The following HSPA12B variants were observed in gnomAD, a reference collection of about 807,000 sequenced individuals.
HSPA12B encodes the protein heat shock protein family A (Hsp70) member 12B.
Under a neutral mutation model 69.3 loss-of-function variants are expected in HSPA12B, and 54 were observed. That is an observed-to-expected ratio of 0.78 (90% CI 0.63 to 0.98). The LOEUF (loss-of-function observed/expected upper bound fraction) is 0.98, where lower values mean the gene tolerates loss of function less well. HSPA12B is among the 50% of genes least tolerant of loss of function. HSPA12B has a pLI of 0.00. For synonymous variants in HSPA12B, 441 were observed against 436.5 expected, an observed-to-expected ratio of 1.01 and a Z score of -0.13; for missense variants, 929 against 999.8, an observed-to-expected ratio of 0.93 and a Z score of 0.96.
intron 1 of HSPA12B, among the ~76,000 whole-genome samples, chr20:3,736,797 C>T (rs1347473183): frequency 1.3e-5 from 2 of 152,080 alleles, no homozygotes; most frequent in African/African-American, 2.4e-5. Context: ...CTGAGACGGG[C>T]GGATCACCTG....
In HSPA12B at chr20:3,750,012, G is replaced by C; in HGVS notation, c.1086G>C (p.Gln362His). Residue 362 changes from glutamine (Q) to histidine (H), a missense_variant, in exon 11 of 13, where the codon CAG (glutamine) becomes CAC (histidine). Gln to His is a conservative substitution (Grantham distance 24, BLOSUM62 0). Coordinates refer to ENST00000254963, the MANE Select transcript of HSPA12B (RefSeq NM_052970.5). ...GAVGVDLAFEQLLCRIFGEDF... is the reference protein window; with the variant it reads ...GAVGVDLAFEHLLCRIFGEDF... Reference sequence around the variant, plus strand: ...TGGGCGTGGACCTGGCCTTCGAGCAGCTGCTGTGCCGCATCTTCGGCGAGG... The same window carrying C: ...TGGGCGTGGACCTGGCCTTCGAGCACCTGCTGTGCCGCATCTTCGGCGAGG... 1.3e-6 allele frequency: 2 copies of C among 1,590,582 alleles called. No individual in the cohort carries two copies. Among genetic ancestry groups the C allele is most frequent in the Non-Finnish European group, 1.7e-6 (2 of 1,169,452 alleles).
At position 3,744,221 on chromosome 20, in the gene HSPA12B, T is replaced by C. The variant is rs1450176662; in HGVS notation, c.267-681T>C. Among the ~76,000 whole-genome samples the C allele has an allele frequency of 6.6e-6, 1 of 152,148 alleles. No individual in the cohort carries two copies. Among genetic ancestry groups the C allele is most frequent in the Non-Finnish European group, 1.5e-5 (1 of 68,036 alleles). Reference sequence around the variant, plus strand: ...GACAGGTAACTGCTCCCAAAATACATGGGACTTGAGCTTCATGAGACTGGA... The same window carrying C: ...GACAGGTAACTGCTCCCAAAATACACGGGACTTGAGCTTCATGAGACTGGA... On this transcript the variant is annotated intron_variant, in intron 4 of 12. Coordinates refer to ENST00000254963, the MANE Select transcript of HSPA12B (RefSeq NM_052970.5). The surrounding 1 kb of genome is among the most constrained non-coding windows in gnomAD (Gnocchi z 4.9).
chr20:3,752,385 A>G lies in HSPA12B; in HGVS notation c.*219A>G, dbSNP rs2088444776. 4.1e-6 allele frequency: 2 copies of G among 482,696 alleles called. No individual in the cohort carries two copies. The highest frequency in any genetic ancestry group is 6.9e-5 in the East Asian group (2 of 28,856). 29.9% of individuals were successfully genotyped at this position (482,696 alleles called of 1,614,324 possible). Reference sequence around the variant, plus strand: ...CACTGGTCCGCTGACTGCCAGGCTGAAGGGACCCGCCAAGGACTGAACGGG... The same window carrying G: ...CACTGGTCCGCTGACTGCCAGGCTGGAGGGACCCGCCAAGGACTGAACGGG... On this transcript the variant is annotated 3_prime_UTR_variant, in exon 13 of 13. Transcript: ENST00000254963.
At chr20:3,746,322 T>TTTTG (rs11474473) in intron 7 of HSPA12B, among the ~76,000 whole-genome samples, 3 of 146,944 alleles carry the variant, frequency 2.0e-5, no homozygotes, top group African/African-American at 7.6e-5. Flanking sequence ...TTTTTTTTTT[T>TTTTG]GAGACAGTCT....
In HSPA12B at chr20:3,745,945, G is replaced by A; in HGVS notation, c.589G>A (p.Glu197Lys). The A allele has an allele frequency of 6.2e-7, 1 of 1,614,138 alleles. No homozygotes were observed. The highest frequency in any genetic ancestry group is 8.5e-7 in the Non-Finnish European group (1 of 1,180,022). ...GAGGGAGCAGAGCCCATCGCTGCCA[G>A]AGAAGGACACTGTGCGCTGGGTGTT... ...ELREQSPSLP[E>K]KDTVRWVLTV... The change falls in exon 7 of 13, where the codon GAG (glutamate) becomes AAG (lysine). Residue 197 changes from glutamate (E) to lysine (K), a missense_variant. By Grantham distance (56) the Glu-to-Lys change is moderately conservative. Around this residue, in one of 3 missense-constraint regions of HSPA12B, gnomAD observed 477 missense variants for 535.2 expected, o/e 0.89. Transcript: ENST00000254963. The surrounding 1 kb of genome is among the most constrained non-coding windows in gnomAD (Gnocchi z 5.6).
In HSPA12B at chr20:3,744,074, T is replaced by G. The variant is rs767325105; in HGVS notation, c.267-828T>G. Among the ~76,000 whole-genome samples the G allele has an allele frequency of 9.9e-5, 15 of 151,616 alleles. No homozygotes were observed. Among genetic ancestry groups the G allele is most frequent in the Non-Finnish European group, 2.1e-4 (14 of 67,930 alleles). ...AGTCCTCTGAATATGTCCTAGAGGG[T>G]CGGCAGGCAGTAGGTGAAGCTACAG... On this transcript the variant is annotated intron_variant, in intron 4 of 12. Transcript: ENST00000254963. This position sits in a 1 kb window ranked among gnomAD's most constrained non-coding sequence, Gnocchi z 4.9.
intron 1 of HSPA12B, among the ~76,000 whole-genome samples, chr20:3,733,337 T>G (rs2146546881): frequency 6.6e-6 from 1 of 152,152 alleles, no homozygotes; most frequent in South Asian, 2.1e-4. Flanking sequence ...GGAGCCTATC[T>G]GTGAGGTTAG....
At chr20:3,742,502 C>A in intron 4 of HSPA12B, 94 bp downstream of exon 4, 1 of 992,732 alleles carries the variant, frequency 1.0e-6, no homozygotes, top group Non-Finnish European at 1.5e-6. Context: ...CATGGGGTCT[C>A]CTTGGAGGCC....
intron 1 of HSPA12B, among the ~76,000 whole-genome samples, chr20:3,736,588 C>T (rs896655460): frequency 2.6e-5 from 4 of 152,312 alleles, no homozygotes; most frequent in African/African-American, 9.6e-5. Flanking sequence ...ATGCATTGGC[C>T]CTGCGTAGCC....
In HSPA12B at chr20:3,752,034, C is replaced by A; in HGVS notation, c.1929C>A (p.Thr643=). 6.4e-7 allele frequency: 1 copy of A among 1,552,114 alleles called. No individual in the cohort carries two copies. Among genetic ancestry groups the A allele is most frequent in the Non-Finnish European group, 8.7e-7 (1 of 1,154,944 alleles). ...AGCCCGCCGACTGCGGCCAGGACAC[C>A]GCCGGCGCGCCTCCCGGCCGCCGCG... is the stretch of plus-strand genomic sequence containing the variant. The part of the protein sequence containing the change: ...ELEPADCGQD[T]AGAPPGRREI... Residue 643 remains threonine, a synonymous_variant, in exon 13 of 13, where the codon ACC becomes ACA. Transcript: ENST00000254963.
At chr20:3,742,504 T>A in intron 4 of HSPA12B, 96 bp downstream of exon 4, 5 of 981,158 alleles carry the variant, frequency 5.1e-6, no homozygotes, top group Non-Finnish European at 4.6e-6. Context: ...TGGGGTCTCC[T>A]TGGAGGCCCT....
Position 3,740,330 on chromosome 20 carries a change from G to C in HSPA12B, c.44-485G>C, listed in dbSNP as rs1326269826. On this transcript the variant is annotated intron_variant, in intron 2 of 12. Coordinates refer to ENST00000254963, the MANE Select transcript of HSPA12B (RefSeq NM_052970.5). This position sits in a 1 kb window ranked among gnomAD's most constrained non-coding sequence, Gnocchi z 4.9. Reference sequence around the variant, plus strand: ...GAGCTGCAGAGTTCCCTCAAGTCCTGATTAGAACCACGTGGCCCAACTTTA... The same window carrying C: ...GAGCTGCAGAGTTCCCTCAAGTCCTCATTAGAACCACGTGGCCCAACTTTA... 6.6e-6 allele frequency among the ~76,000 whole-genome samples: 1 copy of C among 152,156 alleles called. No individual in the cohort carries two copies. Among genetic ancestry groups the C allele is most frequent in the Admixed American group, 6.5e-5 (1 of 15,288 alleles).
In HSPA12B at chr20:3,742,128, G is replaced by A. The variant is rs113188909; in HGVS notation, c.142-156G>A. 9.9e-5 allele frequency among the ~76,000 whole-genome samples: 15 copies of A among 152,204 alleles called. 4 individuals are homozygous for A. The highest frequency in any genetic ancestry group is 3.4e-4 in the African/African-American group (14 of 41,534). Reference sequence around the variant, plus strand: ...GGAGCCTGGGAGGGCAAGGGAGCCCGAGCAGGTGGGCAGGTGGGGTGGGCC... The same window carrying A: ...GGAGCCTGGGAGGGCAAGGGAGCCCAAGCAGGTGGGCAGGTGGGGTGGGCC... On this transcript the variant is annotated intron_variant, in intron 3 of 12. Transcript: ENST00000254963.
Position 3,744,835 on chromosome 20 carries a change from C to A in HSPA12B, c.267-67C>A. 1 of 1,482,122 alleles carries A rather than the reference C, an allele frequency of 6.7e-7. No individual in the cohort carries two copies. Among genetic ancestry groups the A allele is most frequent in the Non-Finnish European group, 9.2e-7 (1 of 1,082,244 alleles). The allele number at this position is 1,482,122 out of a possible 1,614,324, so 91.8% of individuals were successfully genotyped here. On this transcript the variant is annotated intron_variant, in intron 4 of 12. Transcript: ENST00000254963. The surrounding 1 kb of genome is among the most constrained non-coding windows in gnomAD (Gnocchi z 4.9). Reference sequence around the variant, plus strand: ...TCACATCTGTAAGTTTTTGCACATGCTGTTCCCTCTGCCTGGATTCCCACC... The same window carrying A: ...TCACATCTGTAAGTTTTTGCACATGATGTTCCCTCTGCCTGGATTCCCACC...
rs1172009824 is a variant in HSPA12B at position 3,740,235 on chromosome 20, G to A, written c.44-580G>A. ...CTGGGCTATCTCTATGGGTGTGGGA[G>A]GAGGTGCTCCCCCTCCTCGATCCTC... On this transcript the variant is annotated intron_variant, in intron 2 of 12. Transcript: ENST00000254963. This position sits in a 1 kb window ranked among gnomAD's most constrained non-coding sequence, Gnocchi z 4.9. Among the ~76,000 whole-genome samples the A allele has an allele frequency of 6.6e-6, 1 of 152,146 alleles. No homozygotes were observed. Among genetic ancestry groups the A allele is most frequent in the Non-Finnish European group, 1.5e-5 (1 of 68,016 alleles).
chr20:3,751,219 T>C (rs943947196), intron 12 of HSPA12B: 4 of 974,300 alleles, frequency 4.1e-6, no homozygotes, highest in Non-Finnish European at 4.9e-6. Context: ...CACAATGTCT[T>C]GCACACAATG....
chr20:3,733,417 C>T (rs1018028749), intron 1 of HSPA12B, among the ~76,000 whole-genome samples: 2 of 152,038 alleles, frequency 1.3e-5, no homozygotes, highest in East Asian at 1.9e-4. Flanking sequence ...GCAGACGCAG[C>T]GCAGGAATCC....
At chr20:3,736,379 TG>T (rs2088108791) in intron 1 of HSPA12B, among the ~76,000 whole-genome samples, 1 of 152,226 alleles carries the variant, frequency 6.6e-6, no homozygotes, top group Non-Finnish European at 1.5e-5. Flanking sequence ...GAAATCTCCA[TG>T]GTGCTGGCCA....
At chr20:3,741,001 G>A in intron 3 of HSPA12B, 89 bp downstream of exon 3, 1 of 1,011,072 alleles carries the variant, frequency 9.9e-7, no homozygotes, top group Non-Finnish European at 1.5e-6. Flanking sequence ...GCCTCAGCTA[G>A]GAAGGAGGAG....
Sources: allele counts gnomAD v4.1 joint callset (sites outside exome capture counted in the v4.1 genomes callset), GRCh38; gene constraint gnomAD v4.1.1; regional missense constraint gnomAD v4.1.1; non-coding constraint Gnocchi (gnomAD v3.1); transcripts MANE v1.5; gene names NCBI Gene and HGNC (gene_info 2026-07-23, HGNC 2026-07-21).